Variants in HOOK1 observed in about 807,000 individuals in gnomAD.
HOOK1 encodes protein Hook homolog 1.
HOOK1 carries 60 observed loss-of-function variants against 112.8 expected under a neutral mutation model. The observed-to-expected ratio is 0.53, with a 90% CI of 0.43 to 0.66. The LOEUF (loss-of-function observed/expected upper bound fraction) is 0.66, where lower values mean the gene tolerates loss of function less well. HOOK1 is among the 30% of genes least tolerant of loss of function. HOOK1 has a pLI of 0.00. For synonymous variants in HOOK1, 294 were observed against 283.8 expected (o/e 1.04, Z -0.36); for missense variants, 770 against 856.0 (o/e 0.90, Z 1.25).
At chr1:59,858,736 AAGAG>A (rs2098411973) in intron 13 of HOOK1, among the ~76,000 whole-genome samples, 2 of 149,858 alleles carry the variant, frequency 1.3e-5, no homozygotes, top group Non-Finnish European at 3.0e-5. Context: ...AAAAGAGAGA[AAGAG>A]AGAAAGGAAA....
At chr1:59,841,564 C>A (rs2098401024) in intron 8 of HOOK1, among the ~76,000 whole-genome samples, 2 of 152,102 alleles carry the variant, frequency 1.3e-5, no homozygotes, top group Non-Finnish European at 2.9e-5. Flanking sequence ...TTAATCTGTT[C>A]TCCTTCGCAC....
chr1:59,852,863 C>A lies in HOOK1; in HGVS notation c.1242+3680C>A, dbSNP rs530860898. Among the ~76,000 whole-genome samples the A allele has an allele frequency of 1.5e-4, 23 of 151,566 alleles. No homozygotes were observed. In the East Asian group the frequency reaches 4.3e-3, roughly 28 times the overall value. ...TCGTTTAATTCTTTTGAATTATTTT[C>A]CCTTATGATTTCTTCTTTGACACAT... On this transcript the variant is annotated intron_variant, in intron 12 of 21. Transcript: ENST00000371208.
chr1:59,832,046 T>A (rs1460997824), intron 3 of HOOK1, 117 bp from the exon 4 acceptor site: 1 of 572,392 alleles, frequency 1.7e-6, no homozygotes, highest in African/African-American at 1.9e-5. Flanking sequence ...AGAACTCTAT[T>A]ATAATGTTTT....
In HOOK1 at chr1:59,821,919, C is replaced by G. The variant is rs146849766; in HGVS notation, c.125C>G (p.Ala42Gly). Residue 42 changes from alanine to glycine, a missense_variant, in exon 2 of 22, where the codon GCC becomes GGC. By Grantham distance (60) the Ala-to-Gly change is moderately conservative. Transcript: ENST00000371208. Reference sequence around the variant, plus strand: ...GTCAAACAGCTGACTAGTGGAGTTGCCATGGCACAAGTTCTTCATCAAATG... The same window carrying G: ...GTCAAACAGCTGACTAGTGGAGTTGGCATGGCACAAGTTCTTCATCAAATG... ...QDVKQLTSGV[A>G]MAQVLHQIDA... 228 of 1,611,726 alleles carry G rather than the reference C, an allele frequency of 1.4e-4. No homozygotes were observed. The highest frequency in any genetic ancestry group is 1.8e-4 in the Non-Finnish European group (215 of 1,179,018).
intron 2 of HOOK1, among the ~76,000 whole-genome samples, chr1:59,823,573 C>T (rs1361712921): frequency 1.3e-5 from 2 of 152,178 alleles, no homozygotes; most frequent in Non-Finnish European, 2.9e-5. Context: ...CTCATTTCAA[C>T]AGTCCCATTC....
chr1:59,859,424 A>G (rs1200862406), intron 14 of HOOK1, among the ~76,000 whole-genome samples: 1 of 152,010 alleles, frequency 6.6e-6, no homozygotes, highest in Non-Finnish European at 1.5e-5. Flanking sequence ...ATAAAGGGAG[A>G]AAAGTTACTT....
intron 1 of HOOK1, among the ~76,000 whole-genome samples, chr1:59,819,378 C>T (rs548386347): frequency 6.9e-4 from 105 of 151,810 alleles, no homozygotes; most frequent in African/African-American, 2.4e-3. Flanking sequence ...TCGAACTCCT[C>T]ACCTCAAGTG....
Position 59,849,063 on chromosome 1 carries a change from C to G in HOOK1, c.1132-10C>G. 6.4e-7 allele frequency: 1 copy of G among 1,570,046 alleles called. No individual in the cohort carries two copies. Among genetic ancestry groups the G allele is most frequent in the Non-Finnish European group, 8.7e-7 (1 of 1,149,390 alleles). On this transcript the variant is annotated splice_polypyrimidine_tract_variant and intron_variant, in intron 11 of 21. Coordinates refer to ENST00000371208, the MANE Select transcript of HOOK1 (RefSeq NM_015888.6). ...TTAAGGACCTTTTTTCCTTTTGTTT[C>G]TGACATTAGGTTCAAGATCTTCATG...
chr1:59,855,931 A>C (rs2098410240), intron 12 of HOOK1, among the ~76,000 whole-genome samples: 1 of 130,686 alleles, frequency 7.7e-6, no homozygotes, highest in African/African-American at 3.0e-5. Context: ...ACTCCACCAT[A>C]CCCAGCTAAT....
rs551692113 is a variant in HOOK1, at chr1:59,815,521, C to T, written c.63+341C>T. 2.3e-3 allele frequency among the ~76,000 whole-genome samples: 354 copies of T among 151,784 alleles called. 2 individuals are homozygous for T. Among genetic ancestry groups the T allele is most frequent in the Non-Finnish European group, 4.4e-3 (302 of 67,924 alleles). On this transcript the variant is annotated intron_variant, in intron 1 of 21. Transcript: ENST00000371208. Reference sequence around the variant, plus strand: ...CTCCCCGCTGCCCCATTTTCTCCCCCTGAACAGCGCCCGAGCCCTCCACTT... The same window carrying T: ...CTCCCCGCTGCCCCATTTTCTCCCCTTGAACAGCGCCCGAGCCCTCCACTT...
chr1:59,832,077 G>T (rs1348957449), intron 3 of HOOK1, 86 bp from the exon 4 acceptor site: 2 of 694,418 alleles, frequency 2.9e-6, no homozygotes, highest in Admixed American at 2.8e-5. Flanking sequence ...TTTAATTAGG[G>T]GAAAGTTTTT....
chr1:59,854,014 ATATATATATATATATATATATATATT>A (rs2098408738), intron 12 of HOOK1, among the ~76,000 whole-genome samples: 1 of 15,494 alleles, frequency 6.5e-5, no homozygotes, highest in Non-Finnish European at 1.4e-4. Flanking sequence ...ATATATATAT[ATATATATATATATATATATATATATT>A]TTTTTTTTTT....
At chr1:59,852,378 T>C (rs2098407602) in intron 12 of HOOK1, among the ~76,000 whole-genome samples, 1 of 151,830 alleles carries the variant, frequency 6.6e-6, no homozygotes. Flanking sequence ...TACTAGTTTG[T>C]TTCTTTCTAG....
chr1:59,826,749 G>A (rs2098390234), intron 2 of HOOK1, among the ~76,000 whole-genome samples: 1 of 152,102 alleles, frequency 6.6e-6, no homozygotes, highest in African/African-American at 2.4e-5. Context: ...ACACACATGT[G>A]CACACACATG....
chr1:59,824,322 C>T (rs1276303134), intron 2 of HOOK1, among the ~76,000 whole-genome samples: 2 of 152,058 alleles, frequency 1.3e-5, no homozygotes, highest in Non-Finnish European at 2.9e-5. Context: ...ATTCTCCTGC[C>T]TCAGCCTCCT....
intron 12 of HOOK1, among the ~76,000 whole-genome samples, chr1:59,854,001 A>ATATATATAT (rs2098408672): frequency 3.9e-5 from 1 of 25,696 alleles, no homozygotes; most frequent in African/African-American, 1.5e-4. Flanking sequence ...ATTAATCTTA[A>ATATATATAT]ATATATATAT....
rs1644109903 is a variant in HOOK1, at chr1:59,874,932, C to A, written c.*1967C>A. Reference sequence around the variant, plus strand: ...CTATCAGGGTTACTTCTGTTGACTACCTCTTAGATTTTGATACAGTTATAT... The same window carrying A: ...CTATCAGGGTTACTTCTGTTGACTAACTCTTAGATTTTGATACAGTTATAT... On this transcript the variant is annotated 3_prime_UTR_variant, in exon 22 of 22. Coordinates refer to ENST00000371208, the MANE Select transcript of HOOK1 (RefSeq NM_015888.6). 6.6e-6 allele frequency: 1 copy of A among 152,494 alleles called. No individual in the cohort carries two copies. Among genetic ancestry groups the A allele is most frequent in the African/African-American group, 2.4e-5 (1 of 41,410 alleles). The allele number at this position is 152,494 out of a possible 1,614,324, so 9.4% of individuals were successfully genotyped here. A position where few individuals can be genotyped will look rare whatever the true frequency, so the allele number is the denominator to read the frequency against.
chr1:59,846,070 T>C (rs2098403616), intron 9 of HOOK1, among the ~76,000 whole-genome samples: 1 of 151,894 alleles, frequency 6.6e-6, no homozygotes. Flanking sequence ...TATTTCATCT[T>C]GTGTTCAGTT....
At chr1:59,828,045 A>G (rs2098391229) in intron 2 of HOOK1, among the ~76,000 whole-genome samples, 1 of 152,166 alleles carries the variant, frequency 6.6e-6, no homozygotes, top group African/African-American at 2.4e-5. Context: ...AAGAGTCAAA[A>G]GGGTAAATTA....
Sources: gnomAD v4.1 joint callset for allele counts (sites outside exome capture counted in the v4.1 genomes callset) on GRCh38, gnomAD v4.1.1 for gene constraint, MANE v1.5 for transcripts, NCBI Gene and HGNC (gene_info 2026-07-23, HGNC 2026-07-21) for gene names.